ADCY9: variants seen among roughly 807,000 people sequenced by gnomAD.
ADCY9 encodes adenylate cyclase 9.
ADCY9 carries 50 observed loss-of-function variants against 101.5 expected under a neutral mutation model. The observed-to-expected ratio is 0.49, with a 90% CI of 0.39 to 0.62. The LOEUF is 0.62. Ranked by LOEUF, ADCY9 falls within the 20% of genes least tolerant of loss-of-function variation. ADCY9 has a pLI of 0.00. For missense variants in ADCY9, 1,662 were observed against 1,800.4 expected, an observed-to-expected ratio of 0.92 and a Z score of 1.39; for synonymous variants, 905 against 769.3, an observed-to-expected ratio of 1.18 and a Z score of -2.92.
intron 2 of ADCY9, among the ~76,000 whole-genome samples, chr16:4,036,826 C>G (rs2056593485): frequency 6.6e-6 from 1 of 151,946 alleles, no homozygotes; most frequent in Non-Finnish European, 1.5e-5. Flanking sequence ...TGCTCTCAAG[C>G]CTTGAACTTA....
intron 2 of ADCY9, among the ~76,000 whole-genome samples, chr16:4,024,554 C>T (rs931491697): frequency 2.0e-5 from 3 of 152,008 alleles, no homozygotes; most frequent in African/African-American, 7.2e-5. Flanking sequence ...ATCCAGGATC[C>T]CACGCGGCTG....
chr16:4,008,270 G>A (rs1447361731), intron 2 of ADCY9, among the ~76,000 whole-genome samples: 1 of 151,998 alleles, frequency 6.6e-6, no homozygotes, highest in Admixed American at 6.6e-5. Context: ...CTTTGAGGCT[G>A]AGCTAACAGC....
intron 2 of ADCY9, among the ~76,000 whole-genome samples, chr16:4,008,308 G>A (rs113519722): frequency 2.4e-4 from 36 of 152,264 alleles, no homozygotes; most frequent in African/African-American, 8.4e-4. Context: ...GGAAGGAGCT[G>A]TGAACAGGTG....
At chr16:4,014,223 G>T (rs1430563329) in intron 2 of ADCY9, among the ~76,000 whole-genome samples, 2 of 151,662 alleles carry the variant, frequency 1.3e-5, no homozygotes, top group African/African-American at 4.8e-5. Flanking sequence ...GGAGGTTGAG[G>T]CAGGAGAATT....
At chr16:4,054,413 C>T (rs1216359418) in intron 2 of ADCY9, among the ~76,000 whole-genome samples, 1 of 152,036 alleles carries the variant, frequency 6.6e-6, no homozygotes, top group Non-Finnish European at 1.5e-5. Flanking sequence ...GAAACCAAGA[C>T]TTCGCAGGGC....
At chr16:3,991,029 A>T (rs1321654546) in intron 5 of ADCY9, among the ~76,000 whole-genome samples, 1 of 152,154 alleles carries the variant, frequency 6.6e-6, no homozygotes, top group Non-Finnish European at 1.5e-5. Context: ...TGAACCCCTG[A>T]CTTCAGGTGA....
At chr16:4,079,849 T>C (rs2056891028) in intron 2 of ADCY9, among the ~76,000 whole-genome samples, 1 of 152,086 alleles carries the variant, frequency 6.6e-6, no homozygotes, top group Admixed American at 6.6e-5. Context: ...TATCTCTAGT[T>C]GGTAAATGTT....
At chr16:4,012,141 C>T (rs144039963) in intron 2 of ADCY9, among the ~76,000 whole-genome samples, 21 of 152,302 alleles carry the variant, frequency 1.4e-4, no homozygotes, top group African/African-American at 4.6e-4. Flanking sequence ...TAACATGATC[C>T]TACTAGCTTT....
At chr16:4,099,928 T>C (rs2057031666) in intron 2 of ADCY9, among the ~76,000 whole-genome samples, 1 of 152,180 alleles carries the variant, frequency 6.6e-6, no homozygotes. Flanking sequence ...GTGGTGCACA[T>C]GTGCAGTCAC....
rs1219412837 is a variant in ADCY9 at position 4,114,899 on chromosome 16, G to T, written c.544C>A (p.Leu182Met). The T allele has an allele frequency of 6.2e-7, 1 of 1,613,888 alleles. No homozygotes were observed. The highest frequency in any genetic ancestry group is 8.5e-7 in the Non-Finnish European group (1 of 1,180,048). ...GCAGCCAGGGTCAGGGCGAACACCA[G>T]CAGGGTGAGAGCCAGCGAGGTCCAC... ...YAWTSLALTL[L>M]VFALTLAAQF... Residue 182 changes from leucine to methionine, a missense_variant, in exon 2 of 11, where the codon CTG (leucine) becomes ATG (methionine). Around this residue, in one of 5 missense-constraint regions of ADCY9, gnomAD observed 422 missense variants for 392.0 expected, o/e 1.08. Coordinates refer to ENST00000294016, the MANE Select transcript of ADCY9 (RefSeq NM_001116.4). The surrounding 1 kb of genome is among the most constrained non-coding windows in gnomAD (Gnocchi z 4.3).
intron 2 of ADCY9, among the ~76,000 whole-genome samples, chr16:4,097,302 A>T (rs1366142272): frequency 1.3e-5 from 2 of 151,412 alleles, no homozygotes; most frequent in African/African-American, 4.9e-5. Flanking sequence ...CCTTTGCTAG[A>T]GCCTATCAAG....
intron 3 of ADCY9, among the ~76,000 whole-genome samples, chr16:4,005,455 C>G (rs2056360800): frequency 6.6e-6 from 1 of 152,156 alleles, no homozygotes; most frequent in East Asian, 1.9e-4. Flanking sequence ...TCTGGAAATC[C>G]TAGCCTCAGG....
At position 4,114,547 on chromosome 16, in the gene ADCY9, A is replaced by G; in HGVS notation, c.896T>C (p.Phe299Ser). Residue 299 changes from phenylalanine to serine, a missense_variant, in exon 2 of 11, where the codon TTC becomes TCC. Coordinates refer to ENST00000294016, the MANE Select transcript of ADCY9 (RefSeq NM_001116.4). This position sits in a 1 kb window ranked among gnomAD's most constrained non-coding sequence, Gnocchi z 4.3. ...GCIHAIGVHL[F>S]VMSQVRSRST... is the part of the protein sequence containing the mutation. ...CCTGGACCTCACCTGGGACATGACG[A>G]ACAGGTGGACCCCGATGGCGTGGAT... 6.2e-7 allele frequency: 1 copy of G among 1,614,190 alleles called. No homozygotes were observed. Among genetic ancestry groups the G allele is most frequent in the Non-Finnish European group, 8.5e-7 (1 of 1,180,050 alleles).
rs572024238 is a variant in ADCY9 at position 4,063,816 on chromosome 16, C to A, written c.1693+49934G>T. ...AAGGAAGGCAATAATAAATACTAGA[C>A]CAGAAATCAATGAATTAGGGAAAGT... On this transcript the variant is annotated intron_variant, in intron 2 of 10. Coordinates refer to ENST00000294016, the MANE Select transcript of ADCY9 (RefSeq NM_001116.4). Among the ~76,000 whole-genome samples the A allele has an allele frequency of 7.3e-5, 11 of 151,444 alleles. No homozygotes were observed. In the South Asian group the frequency reaches 2.3e-3, roughly 32 times the overall value.
intron 5 of ADCY9, chr16:3,953,631 T>C (rs937318641): frequency 6.6e-6 from 1 of 152,136 alleles, no homozygotes; most frequent in African/African-American, 2.4e-5. Flanking sequence ...CATCCACGCT[T>C]TTGGAATGGA....
chr16:4,085,561 C>T (rs388430), intron 2 of ADCY9, among the ~76,000 whole-genome samples: 38,631 of 151,944 alleles, frequency 0.25, 5,594 homozygotes, highest in Non-Finnish European at 0.31. Context: ...CCAAGAGCTG[C>T]AGCAGAGGGT....
In ADCY9 at chr16:4,027,792, G is replaced by A. The variant is rs139595188; in HGVS notation, c.1694-20234C>T. On this transcript the variant is annotated intron_variant, in intron 2 of 10. Transcript: ENST00000294016. ...CTTGGGAGGCTGAGGCAGGAGAATC[G>A]CTTGAACCCAGGAGGCAGAGGTTGT... Among the ~76,000 whole-genome samples the A allele has an allele frequency of 3.0e-4, 46 of 151,690 alleles. 1 individual carries two copies. In the East Asian group the frequency reaches 4.3e-3, roughly 14 times the overall value.
At chr16:3,998,778 GAAAAGAAAAGAAAAGA>G (rs2056309681) in intron 3 of ADCY9, among the ~76,000 whole-genome samples, 2 of 33,170 alleles carry the variant, frequency 6.0e-5, no homozygotes, top group African/African-American at 1.8e-4. Context: ...GAAAAGAAAA[GAAAAGAAAAGAAAAGA>G]AAAGAAAAAA....
intron 2 of ADCY9, among the ~76,000 whole-genome samples, chr16:4,092,226 T>G (rs529646221): frequency 6.6e-6 from 1 of 152,266 alleles, no homozygotes; most frequent in Admixed American, 6.5e-5. Flanking sequence ...GCTGAGATCG[T>G]GCCACTGCAC....
Sources: allele counts gnomAD v4.1 joint callset (sites outside exome capture counted in the v4.1 genomes callset), GRCh38; gene constraint gnomAD v4.1.1; regional missense constraint gnomAD v4.1.1; non-coding constraint Gnocchi (gnomAD v3.1); transcripts MANE v1.5; gene names NCBI Gene and HGNC (gene_info 2026-07-23, HGNC 2026-07-21).